PCAT7: variants seen among roughly 807,000 people sequenced by gnomAD.
The protein encoded by PCAT7 is prostate cancer associated transcript 7, also known as prostate cancer associated transcript 7 (non-protein coding).
At position 94,558,373 on chromosome 9, in the gene PCAT7, C is replaced by T. The variant is rs1466318344; in HGVS notation, n.258-596C>T. On this transcript the variant is annotated intron_variant and non_coding_transcript_variant, in intron 1 of 8. Coordinates refer to ENST00000647389, the Ensembl canonical transcript of PCAT7. Reference sequence around the variant, plus strand: ...GCAATGGCGCGATCTCGGCTCACTGCAAGCTCTGCCTCCCGGGTTCACGCC... The same window carrying T: ...GCAATGGCGCGATCTCGGCTCACTGTAAGCTCTGCCTCCCGGGTTCACGCC... Among the ~76,000 whole-genome samples the T allele has an allele frequency of 2.0e-5, 3 of 152,216 alleles. No homozygotes were observed. The South Asian group carries it at 6.2e-4, about 32-fold the overall frequency.
At chr9:94,564,026 C>A (rs1046195122) in intron 2 of PCAT7, among the ~76,000 whole-genome samples, 1 of 152,116 alleles carries the variant, frequency 6.6e-6, no homozygotes, top group Non-Finnish European at 1.5e-5. Context: ...TTAGACACCC[C>A]CCCACAATAA....
intron 2 of PCAT7, among the ~76,000 whole-genome samples, chr9:94,561,520 G>A (rs984068425): frequency 2.3e-4 from 35 of 151,992 alleles, no homozygotes; most frequent in African/African-American, 7.7e-4. Context: ...ATGCCACCAC[G>A]CCTGGCTAAT....
chr9:94,571,460 A>G, intron 2 of PCAT7: 1 of 1,609,474 alleles, frequency 6.2e-7, no homozygotes. Flanking sequence ...TTCTGTACCT[A>G]CCGGGTCAAG....
intron 2 of PCAT7, among the ~76,000 whole-genome samples, chr9:94,565,161 G>A (rs1827167249): frequency 6.6e-6 from 1 of 152,054 alleles, no homozygotes; most frequent in South Asian, 2.1e-4. Context: ...ATCACCTGTG[G>A]TCAGGCGTTC....
intron 2 of PCAT7, chr9:94,563,364 T>C: frequency 6.2e-7 from 1 of 1,614,080 alleles, no homozygotes; most frequent in Middle Eastern, 1.7e-4. Context: ...GCTCTTCTGG[T>C]TGGCTGGGTA....
intron 2 of PCAT7, among the ~76,000 whole-genome samples, chr9:94,565,476 G>T (rs112372776): frequency 1.3e-5 from 2 of 151,334 alleles, no homozygotes; most frequent in Non-Finnish European, 2.9e-5. Flanking sequence ...TTTATGTGAT[G>T]TGTTACACAG....
chr9:94,558,733 G>C (rs1827046254), intron 1 of PCAT7: 1 of 551,104 alleles, frequency 1.8e-6, no homozygotes, highest in East Asian at 3.3e-5. Flanking sequence ...CCACATGTGG[G>C]TTTTTATTTC....
At chr9:94,573,233 G>A (rs1403987368) in intron 3 of PCAT7, among the ~76,000 whole-genome samples, 2 of 152,104 alleles carry the variant, frequency 1.3e-5, no homozygotes, top group East Asian at 3.8e-4. Context: ...GTTAAGGGAC[G>A]CTCCTCCTCT....
intron 2 of PCAT7, among the ~76,000 whole-genome samples, chr9:94,564,847 A>G (rs950035949): frequency 1.2e-4 from 19 of 152,216 alleles, no homozygotes; most frequent in African/African-American, 4.8e-5. Flanking sequence ...CCTGCATCAT[A>G]GGAATATGTT....
intron 2 of PCAT7, among the ~76,000 whole-genome samples, chr9:94,572,133 A>T (rs1028076571): frequency 6.6e-6 from 1 of 152,074 alleles, no homozygotes; most frequent in Non-Finnish European, 1.5e-5. Context: ...GACTCTGTGG[A>T]TGCTCCTTCT....
intron 2 of PCAT7, chr9:94,563,485 C>T: frequency 6.2e-7 from 1 of 1,608,630 alleles, no homozygotes; most frequent in South Asian, 1.1e-5. Flanking sequence ...AGCGAAGAGA[C>T]AAGATCCAGT....
At chr9:94,561,996 G>A (rs1313032287) in intron 2 of PCAT7, among the ~76,000 whole-genome samples, 1 of 152,264 alleles carries the variant, frequency 6.6e-6, no homozygotes, top group Non-Finnish European at 1.5e-5. Context: ...AACTGAGTAA[G>A]TGACCAGAGT....
At chr9:94,573,782 AT>A (rs1488645522) in intron 3 of PCAT7, among the ~76,000 whole-genome samples, 11 of 152,262 alleles carry the variant, frequency 7.2e-5, no homozygotes, top group South Asian at 6.2e-4. Context: ...GGTCTGTGGT[AT>A]TTTTTTGAAC....
chr9:94,570,424 A>G (rs1827255559), intron 2 of PCAT7: 1 of 152,216 alleles, frequency 6.6e-6, no homozygotes, highest in Admixed American at 6.5e-5. Flanking sequence ...AATGGGAATA[A>G]TTGTAGGACA....
chr9:94,564,226 A>G (rs1377082466), intron 2 of PCAT7, among the ~76,000 whole-genome samples: 2 of 152,226 alleles, frequency 1.3e-5, no homozygotes, highest in Admixed American at 6.5e-5. Context: ...GGAACACACA[A>G]TCAGACGTAA....
At chr9:94,563,651 T>C (rs1277473691) in intron 2 of PCAT7, among the ~76,000 whole-genome samples, 2 of 152,150 alleles carry the variant, frequency 1.3e-5, no homozygotes, top group Admixed American at 6.5e-5. Flanking sequence ...AACCTTACCT[T>C]GTGACTGGAC....
At chr9:94,570,243 C>G (rs1456187148) in intron 2 of PCAT7, 3 of 152,174 alleles carry the variant, frequency 2.0e-5, no homozygotes, top group Non-Finnish European at 4.4e-5. Context: ...TAGAACTGCT[C>G]AGAATGTTCA....
chr9:94,558,544 C>T (rs929114172), intron 1 of PCAT7, among the ~76,000 whole-genome samples: 4 of 152,148 alleles, frequency 2.6e-5, no homozygotes, highest in Admixed American at 1.3e-4. Flanking sequence ...CCGCTGGCCT[C>T]GGCCTCCCAA....
intron 2 of PCAT7, among the ~76,000 whole-genome samples, chr9:94,564,777 A>G (rs1187593626): frequency 6.6e-6 from 1 of 152,210 alleles, no homozygotes; most frequent in Non-Finnish European, 1.5e-5. Context: ...GTTTACTTAT[A>G]TAACAAACCT....
Sources: allele counts gnomAD v4.1 joint callset (sites outside exome capture counted in the v4.1 genomes callset), GRCh38; gene constraint gnomAD v4.1.1; transcripts MANE v1.5; gene names NCBI Gene and HGNC (gene_info 2026-07-23, HGNC 2026-07-21).